Variants in TNRC6B observed in about 807,000 individuals in gnomAD.
TNRC6B encodes the protein trinucleotide repeat-containing gene 6B protein.
TNRC6B carries 52 observed loss-of-function variants against 203.6 expected under a neutral mutation model. The observed-to-expected ratio is 0.26, with a 90% CI of 0.20 to 0.32. The LOEUF is 0.32. Ranked by LOEUF, TNRC6B falls within the 10% of genes least tolerant of loss-of-function variation. The pLI is 1.00. For synonymous variants in TNRC6B, 838 were observed against 845.7 expected (o/e 0.99, Z 0.16); for missense variants, 1,923 against 2,286.2 (o/e 0.84, Z 3.24).
chr22:40,156,310 T>A, intron 4 of TNRC6B: 1 of 847,102 alleles, frequency 1.2e-6, no homozygotes, highest in Non-Finnish European at 1.8e-6. Flanking sequence ...CCAGTTGCTT[T>A]GGTGGCTGTT....
chr22:40,314,026 T>C (rs900957827), intron 19 of TNRC6B, among the ~76,000 whole-genome samples: 5 of 151,462 alleles, frequency 3.3e-5, no homozygotes, highest in Admixed American at 2.0e-4. Context: ...AGGATTTCTT[T>C]TACATGTAAA....
intron 4 of TNRC6B, among the ~76,000 whole-genome samples, chr22:40,160,348 T>A (rs2068861082): frequency 6.6e-6 from 1 of 151,760 alleles, no homozygotes; most frequent in East Asian, 1.9e-4. Flanking sequence ...TGGTGGTACA[T>A]GCCTATAATC....
At chr22:40,135,641 A>G (rs67465697) in intron 3 of TNRC6B, among the ~76,000 whole-genome samples, 34,691 of 151,932 alleles carry the variant, frequency 0.23, 4,295 homozygotes, top group Admixed American at 0.34. Flanking sequence ...AGCTGAGACT[A>G]CAGGTGTGCC....
intron 15 of TNRC6B, among the ~76,000 whole-genome samples, chr22:40,307,884 C>G (rs139910): frequency 0.31 from 46,368 of 151,888 alleles, 8,570 homozygotes; most frequent in African/African-American, 0.51. Flanking sequence ...AAAAAAGATC[C>G]GAACTCCTTG....
At chr22:40,147,467 T>C (rs1215973169) in intron 3 of TNRC6B, among the ~76,000 whole-genome samples, 1 of 152,200 alleles carries the variant, frequency 6.6e-6, no homozygotes, top group African/African-American at 2.4e-5. Flanking sequence ...TATTTTCTGA[T>C]AGTTCTAGAG....
chr22:40,106,851 C>G (rs2068287687), intron 1 of TNRC6B: 2 of 1,130,948 alleles, frequency 1.8e-6, no homozygotes, highest in Non-Finnish European at 2.6e-6. Context: ...GCCACCCTCG[C>G]CATTCGAATT....
At chr22:40,200,088 A>G (rs1283955455) in intron 1 of TNRC6B, among the ~76,000 whole-genome samples, 3 of 149,946 alleles carry the variant, frequency 2.0e-5, no homozygotes, top group African/African-American at 7.4e-5. Flanking sequence ...TGTGAGCCAC[A>G]GTCCCTGGCC....
chr22:40,149,592 C>T (rs1247530436), intron 3 of TNRC6B, among the ~76,000 whole-genome samples: 3 of 150,768 alleles, frequency 2.0e-5, no homozygotes, highest in South Asian at 2.1e-4. Context: ...ATCTCTTGAA[C>T]CCAGGAGGCG....
At chr22:40,300,043 T>A (rs1158950706) in intron 12 of TNRC6B, among the ~76,000 whole-genome samples, 1 of 152,248 alleles carries the variant, frequency 6.6e-6, no homozygotes, top group African/African-American at 2.4e-5. Context: ...AATATATTTG[T>A]CTTACTTGTA....
chr22:40,090,628 G>C (rs1003592725), intron 1 of TNRC6B, among the ~76,000 whole-genome samples: 55 of 151,926 alleles, frequency 3.6e-4, no homozygotes, highest in African/African-American at 1.2e-3. Flanking sequence ...CCCAGTCTTT[G>C]ACTTATCTTC....
chr22:40,170,823 GTGTA>G (rs1195624129), intron 4 of TNRC6B, among the ~76,000 whole-genome samples: 1 of 56,778 alleles, frequency 1.8e-5, no homozygotes, highest in South Asian at 6.2e-4. Flanking sequence ...ATATATGTGT[GTGTA>G]TATACATATA....
At chr22:40,216,968 C>T (rs964185068) in intron 1 of TNRC6B, among the ~76,000 whole-genome samples, 4 of 152,206 alleles carry the variant, frequency 2.6e-5, no homozygotes, top group Admixed American at 6.5e-5. Context: ...CACGAACCCA[C>T]AGCGCACAGG....
intron 1 of TNRC6B, among the ~76,000 whole-genome samples, chr22:40,050,053 C>G (rs2067732415): frequency 6.6e-6 from 1 of 152,064 alleles, no homozygotes; most frequent in African/African-American, 2.4e-5. Context: ...GTGGTGCCAT[C>G]ATCCTCTCAA....
intron 3 of TNRC6B, among the ~76,000 whole-genome samples, chr22:40,258,186 CT>C (rs1474254844): frequency 7.1e-6 from 1 of 141,642 alleles, no homozygotes; most frequent in Non-Finnish European, 1.5e-5. Context: ...AAACTATGCA[CT>C]TACTTTGAAC....
chr22:40,052,467 TTTTTG>T (rs2146264090), intron 1 of TNRC6B, among the ~76,000 whole-genome samples: 1 of 144,056 alleles, frequency 6.9e-6, no homozygotes, highest in African/African-American at 2.7e-5. Flanking sequence ...TTTTTTTTTT[TTTTTG>T]TTGAGGCAGG....
At chr22:40,200,477 G>A (rs548482137) in intron 1 of TNRC6B, among the ~76,000 whole-genome samples, 6 of 148,424 alleles carry the variant, frequency 4.0e-5, no homozygotes, top group Admixed American at 1.3e-4. Flanking sequence ...TAGTAGAGAC[G>A]GGGTGTCATC....
At position 40,139,274 on chromosome 22, in the gene TNRC6B, T is replaced by C. The variant is rs112880363; in HGVS notation, c.45+13412T>C. Among the ~76,000 whole-genome samples the C allele has an allele frequency of 9.3e-3, 1,418 of 152,096 alleles. 12 individuals are homozygous for C. Among genetic ancestry groups the C allele is most frequent in the Middle Eastern group, 0.041 (12 of 292 alleles). On this transcript the variant is annotated intron_variant, in intron 3 of 23. Transcript: ENST00000301923. The stretch of plus-strand genomic sequence containing the variant: ...CTATCCATGTTAAGCACATTATCAG[T>C]GCCTCAGTCCTTTGAATGGCTGAAT...
rs1052241288 is a variant in TNRC6B, at chr22:40,159,571, G to A, written c.113+3389G>A. The stretch of plus-strand genomic sequence containing the variant: ...GGAGAATGGCGTGAACCCAGAAGGC[G>A]GAGCTTGCAGTGAGCCAAGATTGTG... On this transcript the variant is annotated intron_variant, in intron 4 of 23. Coordinates refer to the TNRC6B transcript ENST00000301923. Among the ~76,000 whole-genome samples, 19 of 151,734 alleles carry A rather than the reference G, an allele frequency of 1.3e-4. 1 individual carries two copies. The South Asian group carries it at 2.3e-3, about 18-fold the overall frequency.
chr22:40,280,062 C>T lies in TNRC6B; in HGVS notation c.3330C>T (p.Ile1110=), dbSNP rs2070703813. The T allele has an allele frequency of 1.9e-6, 3 of 1,613,664 alleles. No homozygotes were observed. The highest frequency in any genetic ancestry group is 8.5e-7 in the Non-Finnish European group (1 of 1,179,664). The change falls in exon 10 of 23, where the codon ATC becomes ATT. Residue 1110 remains isoleucine, a synonymous_variant. Transcript: ENST00000454349. The stretch of plus-strand genomic sequence containing the variant: ...TGAATCTCGGGGATTTTAATGATAT[C>T]ATGAGGAAGGATCGATCTGGGTTCC... ...RAMNLGDFND[I]MRKDRSGFRP...
Sources: allele counts gnomAD v4.1 joint callset (sites outside exome capture counted in the v4.1 genomes callset), GRCh38; gene constraint gnomAD v4.1.1; transcripts MANE v1.5; gene names NCBI Gene and HGNC (gene_info 2026-07-23, HGNC 2026-07-21).